The following SUCLG2 variants were observed in gnomAD, a reference collection of about 807,000 sequenced individuals.
The protein encoded by SUCLG2 is succinate--CoA ligase [GDP-forming] subunit beta, mitochondrial.
In SUCLG2, 42 loss-of-function variants were observed where a neutral mutation model predicts 47.9. The observed-to-expected ratio is 0.88, with a 90% CI of 0.69 to 1.14. The LOEUF (loss-of-function observed/expected upper bound fraction) is 1.14. SUCLG2 is among the 50% of genes most tolerant of loss of function. The pLI, the probability that SUCLG2 is intolerant of heterozygous loss-of-function variation, is 0.00. For synonymous variants in SUCLG2, 195 were observed against 197.3 expected (o/e 0.99, Z 0.10); for missense variants, 571 against 525.9 (o/e 1.09, Z -0.84).
At chr3:67,603,609 C>G (rs1419532174) in intron 2 of SUCLG2, among the ~76,000 whole-genome samples, 2 of 152,156 alleles carry the variant, frequency 1.3e-5, no homozygotes, top group African/African-American at 4.8e-5. Context: ...TCTTTCCCAA[C>G]AAAAAATAAA....
intron 6 of SUCLG2, among the ~76,000 whole-genome samples, chr3:67,516,559 G>A (rs1705950497): frequency 6.6e-6 from 1 of 152,174 alleles, no homozygotes; most frequent in African/African-American, 2.4e-5. Flanking sequence ...CTATTGCTGA[G>A]CCTCTAGGAA....
intron 9 of SUCLG2, among the ~76,000 whole-genome samples, chr3:67,446,824 C>G (rs1472276481): frequency 1.3e-5 from 2 of 152,046 alleles, no homozygotes; most frequent in Non-Finnish European, 2.9e-5. Flanking sequence ...TATATAACTA[C>G]ACACTTTATT....
intron 9 of SUCLG2, among the ~76,000 whole-genome samples, chr3:67,456,656 T>C (rs1704193810): frequency 6.6e-6 from 1 of 152,132 alleles, no homozygotes; most frequent in Non-Finnish European, 1.5e-5. Context: ...TCAAAATCAG[T>C]TAGAAAAGAA....
rs1333007054 is a variant in SUCLG2 at position 67,523,805 on chromosome 3, T to C, written c.418-3171A>G. Among the ~76,000 whole-genome samples, 3 of 152,332 alleles carry C rather than the reference T, an allele frequency of 2.0e-5. No individual in the cohort carries two copies. The East Asian group carries it at 5.8e-4, about 29-fold the overall frequency. Reference sequence around the variant, plus strand: ...TACTGTTCATTTTCTAATGCAGAGTTAGTTTAGAGAATAATACTTAATGAC... The same window carrying C: ...TACTGTTCATTTTCTAATGCAGAGTCAGTTTAGAGAATAATACTTAATGAC... On this transcript the variant is annotated intron_variant, in intron 4 of 10. Transcript: ENST00000307227.
Position 67,375,533 on chromosome 3 carries a change from A to G in SUCLG2, c.*211T>C. ...CTTACAGTGACAGAAAAGTATGAGA[A>G]CACAAGATATTATTTTTATAAAGAC... On this transcript the variant is annotated 3_prime_UTR_variant, in exon 11 of 11. Coordinates refer to ENST00000307227, the MANE Select transcript of SUCLG2 (RefSeq NM_003848.4). 7.5e-7 allele frequency: 1 copy of G among 1,338,170 alleles called. No individual in the cohort carries two copies. The highest frequency in any genetic ancestry group is 9.6e-7 in the Non-Finnish European group (1 of 1,044,232). The allele number at this position is 1,338,170 out of a possible 1,614,324, so 82.9% of individuals were successfully genotyped here.
chr3:67,583,204 C>A (rs1164669228), intron 2 of SUCLG2, among the ~76,000 whole-genome samples: 1 of 152,032 alleles, frequency 6.6e-6, no homozygotes, highest in East Asian at 1.9e-4. Context: ...CATGCCACTT[C>A]CAGCAGAGGG....
intron 10 of SUCLG2, among the ~76,000 whole-genome samples, chr3:67,380,519 C>T (rs1702133540): frequency 6.6e-6 from 1 of 152,222 alleles, no homozygotes; most frequent in Non-Finnish European, 1.5e-5. Context: ...TGCAGTTACA[C>T]TTTAATTACC....
At chr3:67,379,368 G>A (rs763465133) in intron 10 of SUCLG2, among the ~76,000 whole-genome samples, 6 of 152,088 alleles carry the variant, frequency 3.9e-5, no homozygotes, top group African/African-American at 9.7e-5. Context: ...CAGGAGTGGC[G>A]CTCCTGATGT....
intron 2 of SUCLG2, among the ~76,000 whole-genome samples, chr3:67,569,601 C>T (rs994151008): frequency 1.3e-5 from 2 of 152,198 alleles, no homozygotes; most frequent in Admixed American, 1.3e-4. Flanking sequence ...GCTTGGGCCC[C>T]AGGATTCCTT....
chr3:67,568,613 C>T (rs1333551132), intron 2 of SUCLG2, among the ~76,000 whole-genome samples: 1 of 152,156 alleles, frequency 6.6e-6, no homozygotes. Flanking sequence ...GTGAGCCGGG[C>T]GCGGTGGCTC....
At chr3:67,403,967 C>T (rs1702746768) in intron 9 of SUCLG2, among the ~76,000 whole-genome samples, 1 of 152,152 alleles carries the variant, frequency 6.6e-6, no homozygotes, top group African/African-American at 2.4e-5. Context: ...CTCACTGCAA[C>T]CTCCGCCTCC....
rs116342686 is a variant in SUCLG2 at position 67,522,409 on chromosome 3, C to T, written c.418-1775G>A. Among the ~76,000 whole-genome samples, 907 of 152,002 alleles carry T rather than the reference C, an allele frequency of 6.0e-3. 11 individuals are homozygous for T. The highest frequency in any genetic ancestry group is 7.1e-3 in the Non-Finnish European group (486 of 68,006). On this transcript the variant is annotated intron_variant, in intron 4 of 10. Coordinates refer to ENST00000307227, the MANE Select transcript of SUCLG2 (RefSeq NM_003848.4). ...TGCTACTTTAGTGAGTATTTTTGTA[C>T]ATGTATCTTTGTTCATTTCTTTTAG...
intron 9 of SUCLG2, among the ~76,000 whole-genome samples, chr3:67,424,318 G>T (rs536529266): frequency 6.6e-6 from 1 of 152,106 alleles, no homozygotes; most frequent in Admixed American, 6.5e-5. Flanking sequence ...CTCACAAACC[G>T]GATTATCTTT....
intron 1 of SUCLG2, among the ~76,000 whole-genome samples, chr3:67,629,993 A>C (rs1245994173): frequency 6.6e-6 from 1 of 152,158 alleles, no homozygotes; most frequent in Non-Finnish European, 1.5e-5. Context: ...CCCTAAAAAC[A>C]CAAAAGATAA....
At chr3:67,435,239 T>C (rs182529156) in intron 9 of SUCLG2, among the ~76,000 whole-genome samples, 339 of 152,300 alleles carry the variant, frequency 2.2e-3, no homozygotes, top group Non-Finnish European at 2.7e-3. Flanking sequence ...CCAAACAATA[T>C]GCTTTCAGGA....
Position 67,402,598 on chromosome 3 carries a change from G to C in SUCLG2, c.1063-1747C>G, listed in dbSNP as rs1702711487. Among the ~76,000 whole-genome samples, 3 of 152,330 alleles carry C rather than the reference G, an allele frequency of 2.0e-5. 1 individual carries two copies. The highest frequency in any genetic ancestry group is 1.5e-5 in the Non-Finnish European group (1 of 68,036). On this transcript the variant is annotated intron_variant, in intron 9 of 10. Coordinates refer to ENST00000307227, the MANE Select transcript of SUCLG2 (RefSeq NM_003848.4). Reference sequence around the variant, plus strand: ...GTAGTTTCCAAATAACTGTAGGATGGAGAGGAACTTGCCAGAACAATAGAA... The same window carrying C: ...GTAGTTTCCAAATAACTGTAGGATGCAGAGGAACTTGCCAGAACAATAGAA...
intron 9 of SUCLG2, among the ~76,000 whole-genome samples, chr3:67,442,914 C>A (rs905668193): frequency 2.0e-5 from 3 of 152,106 alleles, no homozygotes; most frequent in Non-Finnish European, 4.4e-5. Context: ...GTAAGAGTCA[C>A]ACACATAAAT....
At chr3:67,510,682 C>T (rs898105129) in intron 6 of SUCLG2, among the ~76,000 whole-genome samples, 1 of 152,136 alleles carries the variant, frequency 6.6e-6, no homozygotes, top group Admixed American at 6.5e-5. Flanking sequence ...TAATATCTTA[C>T]TGTATTGATA....
chr3:67,382,572 A>AG (rs1310999894), intron 10 of SUCLG2, among the ~76,000 whole-genome samples: 1 of 152,182 alleles, frequency 6.6e-6, no homozygotes, highest in Non-Finnish European at 1.5e-5. Context: ...GCAAGTTAAG[A>AG]ATAGGGTTTA....
Sources: gnomAD v4.1 joint callset for allele counts (sites outside exome capture counted in the v4.1 genomes callset) on GRCh38, gnomAD v4.1.1 for gene constraint, MANE v1.5 for transcripts, NCBI Gene and HGNC (gene_info 2026-07-23, HGNC 2026-07-21) for gene names.